TRPM3: variants seen among roughly 807,000 people sequenced by gnomAD.
TRPM3 encodes transient receptor potential cation channel subfamily M member 3, also known as long transient receptor potential channel 3.
A neutral mutation model predicts 181.2 loss-of-function variants in TRPM3; 77 were observed. The observed-to-expected ratio is 0.42, with a 90% confidence interval of 0.35 to 0.51. TRPM3 has a LOEUF of 0.51. TRPM3 is among the 20% of genes least tolerant of loss of function. TRPM3 has a pLI of 0.01. For synonymous variants in TRPM3, 745 were observed against 796.4 expected, an observed-to-expected ratio of 0.94 and a Z score of 1.09; for missense variants, 1,759 against 2,196.7, an observed-to-expected ratio of 0.80 and a Z score of 3.98.
chr9:71,355,725 G>A (rs1444320712), intron 1 of TRPM3, among the ~76,000 whole-genome samples: 1 of 152,054 alleles, frequency 6.6e-6, no homozygotes, highest in East Asian at 1.9e-4. Context: ...CTCTGGCTTG[G>A]GTCTCTAACA....
Position 70,537,265 on chromosome 9 carries a change from G to T in TRPM3, c.3848C>A (p.Thr1283Lys). The change falls in exon 26 of 26, where the codon ACA becomes AAA. Residue 1283 changes from threonine to lysine, a missense_variant. Thr to Lys is a moderately conservative substitution (Grantham distance 78). Around this residue, in one of 8 missense-constraint regions of TRPM3, gnomAD observed 612 missense variants for 590.0 expected, o/e 1.04. Coordinates refer to ENST00000677713, the MANE Select transcript of TRPM3 (RefSeq NM_001366145.2). ...GTTGGACTCGGCCCGCTCCAGACCTGTCAGGCGCTCCAGGGCCGTGGCCAT... is the reference window on the plus strand; with the variant it reads ...GTTGGACTCGGCCCGCTCCAGACCTTTCAGGCGCTCCAGGGCCGTGGCCAT... ...GRMATALERLTGLERAESNKI... is the reference protein window; with the variant it reads ...GRMATALERLKGLERAESNKI... The T allele has an allele frequency of 6.3e-7, 1 of 1,588,076 alleles. No homozygotes were observed. The highest frequency in any genetic ancestry group is 8.6e-7 in the Non-Finnish European group (1 of 1,162,370).
intron 1 of TRPM3, among the ~76,000 whole-genome samples, chr9:70,907,958 A>G (rs1264273041): frequency 2.0e-5 from 3 of 152,166 alleles, no homozygotes; most frequent in Admixed American, 1.3e-4. Flanking sequence ...TCCACAACTG[A>G]TGGGTACCTG....
At chr9:71,158,789 C>A (rs954373128) in intron 1 of TRPM3, among the ~76,000 whole-genome samples, 1 of 152,088 alleles carries the variant, frequency 6.6e-6, no homozygotes, top group African/African-American at 2.4e-5. Flanking sequence ...GTGGACTGAG[C>A]AAAGCAGATT....
chr9:70,788,286 A>T (rs2084427167), intron 6 of TRPM3, among the ~76,000 whole-genome samples: 1 of 151,278 alleles, frequency 6.6e-6, no homozygotes, highest in Admixed American at 6.6e-5. Context: ...TAAGCCTATG[A>T]ATACTTTGTT....
intron 1 of TRPM3, among the ~76,000 whole-genome samples, chr9:71,241,769 T>C (rs1315321848): frequency 6.6e-6 from 1 of 152,130 alleles, no homozygotes; most frequent in Non-Finnish European, 1.5e-5. Context: ...AAACCTAAAC[T>C]CATCCTGCAA....
chr9:71,079,812 C>G (rs1381584252), intron 1 of TRPM3, among the ~76,000 whole-genome samples: 1 of 152,106 alleles, frequency 6.6e-6, no homozygotes, highest in African/African-American at 2.4e-5. Flanking sequence ...AATGGACTTT[C>G]CGCACTGCCC....
At chr9:70,688,132 C>G (rs1314444510) in intron 8 of TRPM3, among the ~76,000 whole-genome samples, 2 of 152,088 alleles carry the variant, frequency 1.3e-5, no homozygotes, top group African/African-American at 4.8e-5. Flanking sequence ...GTCCATCCCT[C>G]CTTTCATTCT....
intron 1 of TRPM3, among the ~76,000 whole-genome samples, chr9:71,399,113 C>T (rs2093272271): frequency 9.1e-5 from 1 of 11,048 alleles, no homozygotes; most frequent in Non-Finnish European, 2.0e-4. Flanking sequence ...CTTCAAGAAT[C>T]TTCATAACAG....
intron 1 of TRPM3, among the ~76,000 whole-genome samples, chr9:71,133,973 TTGTGTG>T (rs72198070): frequency 0.27 from 39,710 of 148,328 alleles, 5,484 homozygotes; most frequent in Middle Eastern, 0.33. Flanking sequence ...CTGTGTGTGT[TTGTGTG>T]TGTGTGTGTG....
rs927339432 is a variant in TRPM3, at chr9:70,533,458, T to C, written c.*2495A>G. 2.0e-5 allele frequency: 3 copies of C among 152,206 alleles called. No homozygotes were observed. The allele number at this position is 152,206 out of a possible 1,614,324, so 9.4% of individuals were successfully genotyped here. On this transcript the variant is annotated 3_prime_UTR_variant, in exon 26 of 26. Coordinates refer to ENST00000677713, the MANE Select transcript of TRPM3 (RefSeq NM_001366145.2). ...GGCCTTCCTGAGAATCACAGAGAGA[T>C]GGTCTCAAATGTAAAGTGCCTATTA...
At chr9:71,323,376 A>G (rs2089416895) in intron 1 of TRPM3, among the ~76,000 whole-genome samples, 1 of 152,140 alleles carries the variant, frequency 6.6e-6, no homozygotes, top group Non-Finnish European at 1.5e-5. Flanking sequence ...TTATCCAACA[A>G]TCTCATATAC....
intron 1 of TRPM3, among the ~76,000 whole-genome samples, chr9:71,325,840 A>G (rs2089645239): frequency 6.6e-6 from 1 of 151,956 alleles, no homozygotes; most frequent in Admixed American, 6.6e-5. Flanking sequence ...TTTTTTTTCT[A>G]TTGGCACTTT....
intron 1 of TRPM3, among the ~76,000 whole-genome samples, chr9:71,082,879 G>T (rs374124928): frequency 3.4e-4 from 52 of 152,208 alleles, no homozygotes; most frequent in African/African-American, 1.2e-3. Flanking sequence ...AACTGTAAGA[G>T]ACTTTAGAAT....
intron 21 of TRPM3, among the ~76,000 whole-genome samples, chr9:70,597,636 T>A (rs1687281357): frequency 6.6e-6 from 1 of 152,170 alleles, no homozygotes; most frequent in African/African-American, 2.4e-5. Context: ...GAAACTGGTG[T>A]GTGGTCAAGG....
intron 1 of TRPM3, among the ~76,000 whole-genome samples, chr9:70,938,852 G>A (rs1345128041): frequency 4.6e-5 from 7 of 151,990 alleles, no homozygotes. Flanking sequence ...CAGCTACTTG[G>A]GAAGCTGAGG....
intron 1 of TRPM3, among the ~76,000 whole-genome samples, chr9:71,201,007 G>C (rs1054249341): frequency 3.3e-5 from 5 of 152,092 alleles, no homozygotes; most frequent in Admixed American, 1.3e-4. Flanking sequence ...TGCAGTGGCT[G>C]GTACTGGTTG....
At chr9:70,847,456 C>A (rs561763965) in intron 3 of TRPM3, among the ~76,000 whole-genome samples, 23 of 152,206 alleles carry the variant, frequency 1.5e-4, no homozygotes, top group Admixed American at 3.9e-4. Flanking sequence ...AACAAAGAAG[C>A]AGTTTAGAAC....
intron 1 of TRPM3, among the ~76,000 whole-genome samples, chr9:70,915,614 T>C (rs770006488): frequency 7.3e-4 from 110 of 150,262 alleles, no homozygotes; most frequent in Non-Finnish European, 1.3e-3. Flanking sequence ...CACATGAGAG[T>C]CTTTTAATAG....
intron 8 of TRPM3, among the ~76,000 whole-genome samples, chr9:70,695,687 A>G (rs548362348): frequency 3.3e-5 from 5 of 152,334 alleles, no homozygotes; most frequent in Non-Finnish European, 5.9e-5. Context: ...AACATTACTA[A>G]TGGTCACTTA....
Sources: allele counts gnomAD v4.1 joint callset (sites outside exome capture counted in the v4.1 genomes callset), GRCh38; gene constraint gnomAD v4.1.1; regional missense constraint gnomAD v4.1.1; transcripts MANE v1.5; gene names NCBI Gene and HGNC (gene_info 2026-07-23, HGNC 2026-07-21).